The following SMAP1 variants were observed in gnomAD, a reference collection of about 807,000 sequenced individuals.
SMAP1 encodes small ArfGAP 1, also known as stromal membrane-associated protein 1.
In SMAP1, 24 loss-of-function variants were observed where a neutral mutation model predicts 58.5. The observed-to-expected ratio is 0.41, with a 90% CI of 0.30 to 0.58. SMAP1 has a LOEUF of 0.58. Ranked by LOEUF, SMAP1 falls within the 20% of genes least tolerant of loss-of-function variation. The pLI, the probability that SMAP1 is intolerant of heterozygous loss-of-function variation, is 0.29. For synonymous variants in SMAP1, 216 were observed against 196.6 expected, an observed-to-expected ratio of 1.10 and a Z score of -0.82; for missense variants, 563 against 566.3, an observed-to-expected ratio of 0.99 and a Z score of 0.06.
intron 4 of SMAP1, among the ~76,000 whole-genome samples, chr6:70,775,009 CAAA>C (rs71538441): frequency 5.0e-5 from 6 of 119,190 alleles, no homozygotes; most frequent in African/African-American, 6.4e-5. Context: ...GATTCTGTGT[CAAA>C]AAAAAAAAAA....
intron 3 of SMAP1, among the ~76,000 whole-genome samples, chr6:70,767,228 G>A (rs1480009215): frequency 7.9e-5 from 12 of 151,266 alleles, no homozygotes; most frequent in East Asian, 1.9e-4. Context: ...TTGGCGATGC[G>A]GGCTCTTTTT....
At chr6:70,758,422 A>T (rs1322997671) in intron 3 of SMAP1, among the ~76,000 whole-genome samples, 1 of 150,294 alleles carries the variant, frequency 6.7e-6, no homozygotes, top group Admixed American at 6.6e-5. Flanking sequence ...CTAATGCTAG[A>T]TGACGAGTTA....
At chr6:70,759,899 C>G (rs1048489349) in intron 3 of SMAP1, 5 of 440,302 alleles carry the variant, frequency 1.1e-5, no homozygotes, top group African/African-American at 8.1e-5. Flanking sequence ...TATGCCAAGC[C>G]CTGACCATGG....
chr6:70,670,341 C>A (rs1766211606), intron 1 of SMAP1, among the ~76,000 whole-genome samples: 1 of 152,080 alleles, frequency 6.6e-6, no homozygotes, highest in Non-Finnish European at 1.5e-5. Context: ...CTTGATCTTT[C>A]AGGCAAAAAA....
At position 70,667,898 on chromosome 6, in the gene SMAP1, C is replaced by T. The variant is rs542965665; in HGVS notation, c.-126C>T. On this transcript the variant is annotated 5_prime_UTR_variant, in exon 1 of 11. Transcript: ENST00000370455. ...GCCGCCCCTCCTCCCGTTCCAGCTGCCGCTGCCGCTTCCTGGGCTGAGTCC... is the reference window on the plus strand; with the variant it reads ...GCCGCCCCTCCTCCCGTTCCAGCTGTCGCTGCCGCTTCCTGGGCTGAGTCC... The T allele has an allele frequency of 4.0e-3, 2,813 of 701,862 alleles. 72 individuals are homozygous for T. The African/African-American group carries it at 0.046, about 11-fold the overall frequency. The allele number at this position is 701,862 out of a possible 1,614,324, so 43.5% of individuals were successfully genotyped here.
chr6:70,843,476 A>G (rs983841495), intron 7 of SMAP1, among the ~76,000 whole-genome samples: 1 of 152,208 alleles, frequency 6.6e-6, no homozygotes, highest in African/African-American at 2.4e-5. Flanking sequence ...CTTTTATAGA[A>G]GAGAAAACTG....
intron 1 of SMAP1, among the ~76,000 whole-genome samples, chr6:70,690,623 T>C (rs993758275): frequency 3.3e-5 from 5 of 151,806 alleles, no homozygotes; most frequent in African/African-American, 1.2e-4. Context: ...TATATTGAAC[T>C]ACATTGATTT....
At chr6:70,767,552 T>A (rs1452634536) in intron 3 of SMAP1, among the ~76,000 whole-genome samples, 2 of 151,876 alleles carry the variant, frequency 1.3e-5, no homozygotes, top group African/African-American at 4.8e-5. Flanking sequence ...TCTCTGTTTG[T>A]CTGTTATTGG....
At chr6:70,708,681 A>C (rs965078204) in intron 1 of SMAP1, among the ~76,000 whole-genome samples, 6 of 152,158 alleles carry the variant, frequency 3.9e-5, no homozygotes, top group Non-Finnish European at 7.4e-5. Context: ...GTGATATTAC[A>C]CAGTGGTTTC....
chr6:70,685,752 A>G (rs1356250272), intron 1 of SMAP1, among the ~76,000 whole-genome samples: 1 of 152,190 alleles, frequency 6.6e-6, no homozygotes, highest in East Asian at 1.9e-4. Flanking sequence ...ATATTACTCC[A>G]TTCAACACTT....
chr6:70,789,724 CAA>C (rs35376781), intron 4 of SMAP1, among the ~76,000 whole-genome samples: 19 of 73,728 alleles, frequency 2.6e-4, no homozygotes, highest in African/African-American at 8.8e-4. Context: ...GACTCTGTCT[CAA>C]AAAAAAAAAA....
intron 1 of SMAP1, among the ~76,000 whole-genome samples, chr6:70,676,411 T>A (rs924001618): frequency 6.6e-6 from 1 of 152,156 alleles, no homozygotes. Flanking sequence ...AGGATGAACA[T>A]TAGAGGCTTT....
chr6:70,771,650 C>T (rs1249528935), intron 3 of SMAP1, among the ~76,000 whole-genome samples: 3 of 152,182 alleles, frequency 2.0e-5, no homozygotes, highest in African/African-American at 7.2e-5. Context: ...CAGGTGCCGT[C>T]TGTCACCCCT....
Position 70,858,209 on chromosome 6 carries a change from C to T in SMAP1, c.1249C>T (p.Pro417Ser), listed in dbSNP as rs760174961. 2 of 1,613,200 alleles carry T rather than the reference C, an allele frequency of 1.2e-6. No individual in the cohort carries two copies. The highest frequency in any genetic ancestry group is 2.2e-5 in the South Asian group (2 of 91,002). ...SKFGLPQAQQ[P>S]QWSLSQMNQQ... Reference sequence around the variant, plus strand: ...GTTTGGCCTGCCGCAAGCTCAGCAGCCCCAGTGGAGCCTCTCACAGGTAGG... The same window carrying T: ...GTTTGGCCTGCCGCAAGCTCAGCAGTCCCAGTGGAGCCTCTCACAGGTAGG... The change falls in exon 10 of 11, where the codon CCC (proline) becomes TCC (serine). Residue 417 changes from proline (P) to serine (S), a missense_variant. This residue lies in a region of SMAP1 where 494 missense variants were observed against 473.8 expected (regional missense o/e 1.04). Transcript: ENST00000370455.
At chr6:70,740,683 GC>G (rs1290795414) in intron 2 of SMAP1, among the ~76,000 whole-genome samples, 2 of 152,152 alleles carry the variant, frequency 1.3e-5, no homozygotes, top group African/African-American at 4.8e-5. Context: ...GTTTGTAGGG[GC>G]TAGACTGTCT....
At chr6:70,771,725 C>T (rs192960346) in intron 3 of SMAP1, among the ~76,000 whole-genome samples, 175 of 152,308 alleles carry the variant, frequency 1.1e-3, no homozygotes, top group African/African-American at 4.0e-3. Context: ...ATGCCTCTCC[C>T]TGCTTCCGCT....
chr6:70,779,330 G>A (rs1355047253), intron 4 of SMAP1, among the ~76,000 whole-genome samples: 1 of 152,208 alleles, frequency 6.6e-6, no homozygotes, highest in Non-Finnish European at 1.5e-5. Context: ...GGATTATTGG[G>A]CTTCAGGGCT....
intron 1 of SMAP1, among the ~76,000 whole-genome samples, chr6:70,710,667 G>C (rs1452979994): frequency 6.6e-6 from 1 of 152,038 alleles, no homozygotes; most frequent in Admixed American, 6.6e-5. Flanking sequence ...ACTTAGGCTA[G>C]AATAAATTGA....
chr6:70,819,440 T>G (rs978336625), intron 6 of SMAP1, among the ~76,000 whole-genome samples: 1 of 152,198 alleles, frequency 6.6e-6, no homozygotes, highest in African/African-American at 2.4e-5. Context: ...CATGATAGTT[T>G]CATTCAAAGG....
Sources: allele counts gnomAD v4.1 joint callset (sites outside exome capture counted in the v4.1 genomes callset), GRCh38; gene constraint gnomAD v4.1.1; regional missense constraint gnomAD v4.1.1; transcripts MANE v1.5; gene names NCBI Gene and HGNC (gene_info 2026-07-23, HGNC 2026-07-21).